ZNF185: variants seen among roughly 807,000 people sequenced by gnomAD.
The protein encoded by ZNF185 is zinc finger protein 185 with LIM domain.
Under a neutral mutation model 58.6 loss-of-function variants are expected in ZNF185, and 56 were observed. The ratio of observed to expected loss-of-function variants is 0.95; its 90% CI spans 0.77 to 1.19. ZNF185 has a LOEUF of 1.19. Among genes scored for constraint, ZNF185 ranks in the 50% most tolerant of loss-of-function variants. ZNF185 has a pLI of 0.00. For synonymous variants in ZNF185, 230 were observed against 215.9 expected, an observed-to-expected ratio of 1.07 and a Z score of -0.57; for missense variants, 627 against 573.5, an observed-to-expected ratio of 1.09 and a Z score of -0.95.
intron 21 of ZNF185, 51 bp downstream of exon 23, chrX:152,969,535 G>A (rs1238129730): frequency 3.1e-5 from 31 of 995,795 alleles, no homozygotes; most frequent in South Asian, 1.4e-4. Context: ...TCCTGATCAC[G>A]TGCTGCTAAG....
intron 18 of ZNF185, among the ~76,000 whole-genome samples, chrX:152,964,201 T>C (rs1261685056): frequency 8.9e-6 from 1 of 112,877 alleles, no homozygotes; most frequent in Non-Finnish European, 1.9e-5. Flanking sequence ...CCTAGTGCAC[T>C]AGTGGATGTG....
the ZNF185 span, among the ~76,000 whole-genome samples, chrX:152,898,429 T>A: frequency 8.9e-6 from 1 of 112,752 alleles, no homozygotes; most frequent in South Asian, 3.6e-4. Flanking sequence ...GTGAAAAGAC[T>A]GACAGGCAGA....
At chrX:152,938,407 A>G (rs1206597642) in intron 15 of ZNF185, among the ~76,000 whole-genome samples, 1 of 112,131 alleles carries the variant, frequency 8.9e-6, no homozygotes, top group Admixed American at 9.4e-5. Flanking sequence ...GTCAGCAACC[A>G]CTCTGACAGC....
chrX:152,927,101 C>T (rs1381868390), intron 11 of ZNF185, among the ~76,000 whole-genome samples: 1 of 112,422 alleles, frequency 8.9e-6, no homozygotes, highest in East Asian at 2.8e-4. Flanking sequence ...GAGCCAGAAA[C>T]GCCAGTGAGA....
intron 14 of ZNF185, among the ~76,000 whole-genome samples, chrX:152,936,981 G>T (rs2046372730): frequency 1.8e-5 from 2 of 111,856 alleles, no homozygotes; most frequent in Non-Finnish European, 3.8e-5. Context: ...AAGGTACAAT[G>T]GGAAGAAGCT....
exon 3 of ZNF185, chrX:152,915,177 A>G (rs782303629): frequency 8.3e-7 from 1 of 1,210,289 alleles, no homozygotes; most frequent in East Asian, 3.0e-5. Flanking sequence ...CATCCTTTTC[A>G]TCAGCTGGGG....
chrX:152,915,756 A>G (rs1556865370), intron 3 of ZNF185, among the ~76,000 whole-genome samples: 2 of 112,308 alleles, frequency 1.8e-5, no homozygotes, highest in Non-Finnish European at 3.8e-5. Flanking sequence ...GGGCTTTTCC[A>G]TAACAGTGTC....
chrX:152,937,954 A>G, intron 14 of ZNF185, 120 bp from the exon 17 acceptor site: 1 of 632,038 alleles, frequency 1.6e-6, no homozygotes, highest in Non-Finnish European at 2.4e-6. Context: ...CTGAGACACC[A>G]GCCTTTACTG....
chrX:152,939,614 G>A (rs1460648009), intron 15 of ZNF185, among the ~76,000 whole-genome samples: 1 of 111,040 alleles, frequency 9.0e-6, no homozygotes, highest in African/African-American at 3.3e-5. Flanking sequence ...CCCAAACGTG[G>A]AAAAGGATAA....
Position 152,951,761 on chromosome X carries a change from T to C in ZNF185, c.1409+6297T>C, listed in dbSNP as rs188853741. On this transcript the variant is annotated intron_variant, in intron 16 of 22. Transcript: ENST00000449285. ...TTATATACTTTTTATAGTACCATTT[T>C]GCAATGTGGACAAATGAACACATTT... Among the ~76,000 whole-genome samples, 3 of 112,028 alleles carry C rather than the reference T, an allele frequency of 2.7e-5. No homozygotes were observed. In the East Asian group the frequency reaches 8.3e-4, roughly 31 times the overall value.
chrX:152,922,630 C>T, intron 10 of ZNF185, 90 bp from the exon 12 acceptor site: 1 of 869,841 alleles, frequency 1.1e-6, no homozygotes, highest in Non-Finnish European at 1.6e-6. Flanking sequence ...AGACTTGCTC[C>T]TTGCACTCCA....
chrX:152,953,798 A>T (rs2048526241), intron 16 of ZNF185, among the ~76,000 whole-genome samples: 2 of 112,182 alleles, frequency 1.8e-5, no homozygotes, highest in Admixed American at 1.9e-4. Context: ...GCTGGAGTGT[A>T]GGTGCCATCT....
intron 15 of ZNF185, 24 bp downstream of exon 17, chrX:152,938,187 G>A: frequency 8.6e-7 from 1 of 1,158,257 alleles, no homozygotes; most frequent in South Asian, 1.9e-5. Flanking sequence ...AGACAGTGCT[G>A]AACTTCTGGG....
intron 7 of ZNF185, 128 bp downstream of exon 8, chrX:152,919,209 C>G (rs1027896936): frequency 1.9e-6 from 1 of 522,073 alleles, no homozygotes; most frequent in East Asian, 3.7e-5. Context: ...CAGCGGTAGC[C>G]CACGGAGCAT....
the ZNF185 span, among the ~76,000 whole-genome samples, chrX:152,907,354 G>A: frequency 3.0e-4 from 34 of 113,021 alleles, no homozygotes; most frequent in Admixed American, 2.8e-3. Context: ...TTGGCTCCTC[G>A]CTCCTATCTA....
intron 5 of ZNF185, 115 bp from the exon 7 acceptor site, chrX:152,917,950 G>A: frequency 2.7e-6 from 3 of 1,125,194 alleles, no homozygotes; most frequent in South Asian, 2.2e-5. Flanking sequence ...AAGCAAAGAG[G>A]AAAGGCTCCC....
intron 7 of ZNF185, among the ~76,000 whole-genome samples, chrX:152,920,023 CT>C (rs1200864204): frequency 1.8e-5 from 2 of 113,308 alleles, no homozygotes; most frequent in African/African-American, 6.4e-5. Flanking sequence ...GTTTCCTCAT[CT>C]GTAAATCACA....
chrX:152,966,976 C>T (rs1316657553), intron 19 of ZNF185, among the ~76,000 whole-genome samples, 191 bp from the exon 22 acceptor site: 1 of 111,227 alleles, frequency 9.0e-6, no homozygotes, highest in African/African-American at 3.3e-5. Context: ...CCACCCAGCC[C>T]CGATCATCTC....
intron 14 of ZNF185, among the ~76,000 whole-genome samples, chrX:152,934,480 T>G (rs1356627073): frequency 8.9e-6 from 1 of 112,528 alleles, no homozygotes; most frequent in Non-Finnish European, 1.9e-5. Context: ...TAGATTTTCA[T>G]GAATTTTAAC....
Sources: gnomAD v4.1 joint callset for allele counts (sites outside exome capture counted in the v4.1 genomes callset) on GRCh38, gnomAD v4.1.1 for gene constraint, MANE v1.5 for transcripts, NCBI Gene and HGNC (gene_info 2026-07-23, HGNC 2026-07-21) for gene names.